Variants in KLHL7 observed in about 807,000 individuals in gnomAD.
KLHL7 encodes kelch-like protein 7.
Under a neutral mutation model 67.4 loss-of-function variants are expected in KLHL7, and 44 were observed. That is an observed-to-expected ratio of 0.65 (90% confidence interval 0.51 to 0.84). The LOEUF (loss-of-function observed/expected upper bound fraction) is 0.84. Among genes scored for constraint, KLHL7 ranks in the 40% least tolerant of loss-of-function variants. KLHL7 has a pLI of 0.00. For missense variants in KLHL7, 362 were observed against 718.1 expected (o/e 0.50, Z 5.67); for synonymous variants, 252 against 243.3 (o/e 1.04, Z -0.33).
intron 4 of KLHL7, among the ~76,000 whole-genome samples, chr7:23,138,806 G>A (rs1784078663): frequency 6.6e-6 from 1 of 152,104 alleles, no homozygotes; most frequent in Non-Finnish European, 1.5e-5. Context: ...AAAGTGCTGG[G>A]ATTACAGGCA....
rs1272615081 is a variant in KLHL7, at chr7:23,174,833, C to G, written c.*535C>G. The G allele has an allele frequency of 4.4e-6, 2 of 454,404 alleles. No individual in the cohort carries two copies. The highest frequency in any genetic ancestry group is 1.4e-4 in the East Asian group (2 of 14,412). 28.1% of individuals were successfully genotyped at this position (454,404 alleles called of 1,614,324 possible). A position where few individuals can be genotyped will look rare whatever the true frequency, so the allele number is the denominator to read the frequency against. On this transcript the variant is annotated 3_prime_UTR_variant, in exon 11 of 11. Transcript: ENST00000339077. The stretch of plus-strand genomic sequence containing the variant: ...ATTTTAAAAGTAAGCCAGAGTGAGT[C>G]AAGGCATATACACACTTTCTCACAA...
intron 5 of KLHL7, among the ~76,000 whole-genome samples, 188 bp downstream of exon 5, chr7:23,141,132 A>G (rs143865053): frequency 4.0e-4 from 61 of 152,284 alleles, no homozygotes; most frequent in Middle Eastern, 3.4e-3. Context: ...CACTTCATAG[A>G]GATAAAGCCA....
chr7:23,107,784 G>T (rs1191250036), intron 1 of KLHL7, among the ~76,000 whole-genome samples: 3 of 152,230 alleles, frequency 2.0e-5, no homozygotes, highest in African/African-American at 7.2e-5. Context: ...AGGTTCTCCT[G>T]TTGTCAGTGG....
chr7:23,136,515 A>G (rs1783980870), intron 4 of KLHL7, among the ~76,000 whole-genome samples: 1 of 152,224 alleles, frequency 6.6e-6, no homozygotes, highest in Non-Finnish European at 1.5e-5. Flanking sequence ...TGTTTTAGCT[A>G]GATAACACAG....
chr7:23,167,918 C>CT lies in KLHL7; in HGVS notation c.1261dup (p.Cys421LeufsTer29). 1 of 1,614,244 alleles carries CT rather than the reference C, an allele frequency of 6.2e-7. No individual in the cohort carries two copies. Among genetic ancestry groups the CT allele is most frequent in the Non-Finnish European group, 8.5e-7 (1 of 1,180,040 alleles). Reference sequence around the variant, plus strand: ...CAAAGCCCAGCATGCTGACCCAGCGCTGCAGCCATGGGATGGTGGAAGCCA... The same window carrying CT: ...CAAAGCCCAGCATGCTGACCCAGCGCTTGCAGCCATGGGATGGTGGAAGCCA... On this transcript the variant is annotated frameshift_variant, in exon 9 of 11. Transcript: ENST00000339077. LOFTEE classifies it high-confidence loss of function.
In KLHL7 at chr7:23,176,480, C is replaced by T. The variant is rs1435412715; in HGVS notation, c.*2182C>T. ...TTGGGAGGTGGAGGCAGTAGGATCA[C>T]TTGAGGCTAGGAGTTCAAGACCCTG... On this transcript the variant is annotated 3_prime_UTR_variant, in exon 11 of 11. Coordinates refer to ENST00000339077, the MANE Select transcript of KLHL7 (RefSeq NM_001031710.3). The T allele has an allele frequency of 6.6e-6, 1 of 152,178 alleles. No homozygotes were observed. The highest frequency in any genetic ancestry group is 2.4e-5 in the African/African-American group (1 of 41,394). 9.4% of individuals were successfully genotyped at this position (152,178 alleles called of 1,614,324 possible). A position where few individuals can be genotyped will look rare whatever the true frequency, so the allele number is the denominator to read the frequency against.
chr7:23,173,533 A>G (rs1025098449), intron 10 of KLHL7, among the ~76,000 whole-genome samples: 2 of 152,228 alleles, frequency 1.3e-5, no homozygotes, highest in African/African-American at 4.8e-5. Context: ...ATCTTAAATA[A>G]TTGTCTTAAA....
chr7:23,106,230 C>T lies in KLHL7; in HGVS notation c.120+84C>T, dbSNP rs1583624692. 2.6e-6 allele frequency: 4 copies of T among 1,559,228 alleles called. No homozygotes were observed. The East Asian group carries it at 7.1e-5, about 28-fold the overall frequency. ...TGGTTCCCGGGGTGGAACCCCGCGC[C>T]CTGTGGATCGCGCCCCTCTTTCTCT... On this transcript the variant is annotated intron_variant, in intron 1 of 10. Transcript: ENST00000339077.
chr7:23,177,756 GA>G lies in KLHL7; in HGVS notation c.*3465del, dbSNP rs375718152. 2.0e-5 allele frequency: 3 copies of G among 151,818 alleles called. No individual in the cohort carries two copies. The highest frequency in any genetic ancestry group is 4.8e-5 in the African/African-American group (2 of 41,336). The allele number at this position is 151,818 out of a possible 1,614,324, so 9.4% of individuals were successfully genotyped here. On this transcript the variant is annotated 3_prime_UTR_variant, in exon 11 of 11. Coordinates refer to ENST00000339077, the MANE Select transcript of KLHL7 (RefSeq NM_001031710.3). ...CATCTTAAAAAAATTGTTGCTATTT[GA>G]AAAAAACAAAACAAAACATATACTT...
intron 1 of KLHL7, among the ~76,000 whole-genome samples, chr7:23,122,321 C>G (rs968498223): frequency 1.3e-5 from 2 of 151,994 alleles, no homozygotes; most frequent in African/African-American, 2.4e-5. Flanking sequence ...TTGCTTGATG[C>G]TTTATCATCT....
At chr7:23,123,155 C>T (rs1044366718) in intron 1 of KLHL7, among the ~76,000 whole-genome samples, 1 of 152,150 alleles carries the variant, frequency 6.6e-6, no homozygotes, top group African/African-American at 2.4e-5. Context: ...GGTCAGAAAT[C>T]AGAATTTAAA....
intron 1 of KLHL7, among the ~76,000 whole-genome samples, chr7:23,119,697 T>C (rs1395943764): frequency 6.6e-6 from 1 of 152,256 alleles, no homozygotes; most frequent in Non-Finnish European, 1.5e-5. Flanking sequence ...TTGTCATATA[T>C]CAAATTGCCA....
Position 23,167,916 on chromosome 7 carries a change from C to A in KLHL7, c.1258C>A (p.Arg420Ser), listed in dbSNP as rs780705654. The change falls in exon 9 of 11, where the codon CGC becomes AGC. Residue 420 changes from arginine (R) to serine (S), a missense_variant. Arg to Ser is a moderately radical substitution (Grantham distance 110). Transcript: ENST00000339077. The stretch of plus-strand genomic sequence containing the variant: ...CACAAAGCCCAGCATGCTGACCCAG[C>A]GCTGCAGCCATGGGATGGTGGAAGC... ...WHTKPSMLTQ[R>S]CSHGMVEANG... 2 of 1,614,082 alleles carry A rather than the reference C, an allele frequency of 1.2e-6. No homozygotes were observed. Among genetic ancestry groups the A allele is most frequent in the Non-Finnish European group, 1.7e-6 (2 of 1,179,928 alleles).
chr7:23,113,359 T>C (rs1443374182), intron 1 of KLHL7, among the ~76,000 whole-genome samples: 2 of 152,206 alleles, frequency 1.3e-5, no homozygotes, highest in African/African-American at 2.4e-5. Flanking sequence ...ATGAGGAGGC[T>C]AATATAGGCA....
chr7:23,161,827 A>G (rs1784862087), intron 7 of KLHL7, among the ~76,000 whole-genome samples: 1 of 152,230 alleles, frequency 6.6e-6, no homozygotes, highest in African/African-American at 2.4e-5. Context: ...ATACTTTTCT[A>G]CAAATGTGAA....
intron 6 of KLHL7, among the ~76,000 whole-genome samples, chr7:23,147,733 C>A (rs537760087): frequency 6.6e-6 from 1 of 152,236 alleles, no homozygotes; most frequent in East Asian, 1.9e-4. Context: ...GCACAACAAT[C>A]CAGGACTACT....
Position 23,165,876 on chromosome 7 carries a change from G to A in KLHL7, c.1115G>A (p.Arg372Gln), listed in dbSNP as rs879255558. The A allele has an allele frequency of 1.2e-6, 2 of 1,614,154 alleles. No homozygotes were observed. Among genetic ancestry groups the A allele is most frequent in the Non-Finnish European group, 1.7e-6 (2 of 1,180,010 alleles). Residue 372 changes from arginine (R) to glutamine (Q), a missense_variant, in exon 8 of 11, where the codon CGA (arginine) becomes CAA (glutamine). This residue lies in a region of KLHL7 where 12 missense variants were observed against 81.8 expected (regional missense o/e 0.15). Transcript: ENST00000339077. ...WYSKLGPPTP[R>Q]DSLAACAAEG... ...TCGAAACTGGGTCCTCCGACACCTC[G>A]AGACAGCCTTGCTGCATGTGCTGCA...
At chr7:23,170,607 A>G (rs1785129404) in intron 9 of KLHL7, among the ~76,000 whole-genome samples, 1 of 152,246 alleles carries the variant, frequency 6.6e-6, no homozygotes, top group Admixed American at 6.5e-5. Flanking sequence ...ATTCCTCAGC[A>G]GCAACATGGG....
In KLHL7 at chr7:23,176,721, C is replaced by A. The variant is rs959921180; in HGVS notation, c.*2423C>A. 6.7e-6 allele frequency: 1 copy of A among 150,058 alleles called. No homozygotes were observed. Among genetic ancestry groups the A allele is most frequent in the Non-Finnish European group, 1.5e-5 (1 of 67,916 alleles). The allele number at this position is 150,058 out of a possible 1,614,324, so 9.3% of individuals were successfully genotyped here. On this transcript the variant is annotated 3_prime_UTR_variant, in exon 11 of 11. Coordinates refer to ENST00000339077, the MANE Select transcript of KLHL7 (RefSeq NM_001031710.3). ...GGGCGCTGTGTCTCACGCCCTTAAT[C>A]CCAGCACTTTGGGAGGCCGAGGCGG...
Sources: allele counts gnomAD v4.1 joint callset (sites outside exome capture counted in the v4.1 genomes callset), GRCh38; gene constraint gnomAD v4.1.1; regional missense constraint gnomAD v4.1.1; transcripts MANE v1.5; gene names NCBI Gene and HGNC (gene_info 2026-07-23, HGNC 2026-07-21).